TESC: variants seen among roughly 807,000 people sequenced by gnomAD.
TESC encodes the protein tescalcin.
A neutral mutation model predicts 31.0 loss-of-function variants in TESC; 19 were observed. The ratio of observed to expected loss-of-function variants is 0.61; its 90% CI spans 0.43 to 0.90. The LOEUF (loss-of-function observed/expected upper bound fraction) is 0.90. TESC is among the 40% of genes least tolerant of loss of function. The pLI, the probability that TESC is intolerant of heterozygous loss-of-function variation, is 0.00. For synonymous variants in TESC, 109 were observed against 114.8 expected (o/e 0.95, Z 0.32); for missense variants, 248 against 303.8 (o/e 0.82, Z 1.36).
intron 3 of TESC, among the ~76,000 whole-genome samples, chr12:117,055,203 G>A (rs984356247): frequency 3.9e-5 from 6 of 152,178 alleles, no homozygotes; most frequent in Non-Finnish European, 8.8e-5. Context: ...GTACAGTGGT[G>A]CAATCTCGAC....
At chr12:117,053,759 CAT>C (rs930541978) in intron 3 of TESC, among the ~76,000 whole-genome samples, 2 of 152,132 alleles carry the variant, frequency 1.3e-5, no homozygotes, top group Non-Finnish European at 2.9e-5. Flanking sequence ...CGCACACACA[CAT>C]ACACATACAC....
chr12:117,095,411 T>A (rs962638439), intron 1 of TESC, among the ~76,000 whole-genome samples: 4 of 152,170 alleles, frequency 2.6e-5, no homozygotes, highest in Admixed American at 2.0e-4. Flanking sequence ...AAGGCTCCCG[T>A]ACGTAAACAC....
intron 7 of TESC, among the ~76,000 whole-genome samples, chr12:117,040,233 T>C (rs1954462009): frequency 6.6e-6 from 1 of 152,210 alleles, no homozygotes; most frequent in Admixed American, 6.5e-5. Context: ...AAGACAGCTC[T>C]GGTCCCAGTC....
intron 4 of TESC, among the ~76,000 whole-genome samples, chr12:117,048,417 G>A (rs1232894161): frequency 6.6e-6 from 1 of 152,200 alleles, no homozygotes; most frequent in Non-Finnish European, 1.5e-5. Flanking sequence ...GGACACAGAG[G>A]GATGTCAGGA....
At chr12:117,079,366 A>G (rs1011158011) in intron 1 of TESC, among the ~76,000 whole-genome samples, 3 of 152,030 alleles carry the variant, frequency 2.0e-5, no homozygotes, top group Non-Finnish European at 4.4e-5. Flanking sequence ...GTTTGAAACC[A>G]GCCTGGCCAA....
intron 2 of TESC, among the ~76,000 whole-genome samples, chr12:117,070,488 A>G (rs1213693735): frequency 6.6e-6 from 1 of 152,166 alleles, no homozygotes; most frequent in Non-Finnish European, 1.5e-5. Flanking sequence ...TGAAGCTCTG[A>G]GACCAAGGCA....
intron 1 of TESC, among the ~76,000 whole-genome samples, chr12:117,085,747 G>T (rs1230758964): frequency 2.6e-5 from 4 of 152,180 alleles, no homozygotes; most frequent in African/African-American, 9.7e-5. Flanking sequence ...GGAGGCTGCT[G>T]TGAGTCTCTG....
rs139285635 is a variant in TESC, at chr12:117,084,486, C to A, written c.59-9146G>T. ...CGCTGGGTTAAAAAATATTGGCAAT[C>A]GACTGCAAAGGGTTCTGAATGCTGG... On this transcript the variant is annotated intron_variant, in intron 1 of 7. Transcript: ENST00000335209. Among the ~76,000 whole-genome samples the A allele has an allele frequency of 9.3e-3, 1,415 of 152,318 alleles. 17 individuals are homozygous for A. The highest frequency in any genetic ancestry group is 0.042 in the South Asian group (204 of 4,828).
At chr12:117,063,414 A>G (rs1474057763) in intron 2 of TESC, among the ~76,000 whole-genome samples, 2 of 152,132 alleles carry the variant, frequency 1.3e-5, no homozygotes, top group African/African-American at 2.4e-5. Flanking sequence ...GGCCAACAAG[A>G]AGGGAAGGAC....
chr12:117,039,123 T>G lies in TESC; in HGVS notation c.*10A>C. Reference sequence around the variant, plus strand: ...GCAAAGTGCAGTTTCTCCGCGGAGGTGGCGGTGGGTCAGTGGCAGAGGGCC... The same window carrying G: ...GCAAAGTGCAGTTTCTCCGCGGAGGGGGCGGTGGGTCAGTGGCAGAGGGCC... On this transcript the variant is annotated 3_prime_UTR_variant, in exon 8 of 8. Transcript: ENST00000335209. 1 of 1,613,556 alleles carries G rather than the reference T, an allele frequency of 6.2e-7. No homozygotes were observed. Among genetic ancestry groups the G allele is most frequent in the Non-Finnish European group, 8.5e-7 (1 of 1,179,776 alleles).
rs3070303 is a variant in TESC at position 117,058,745 on chromosome 12, TAA to T, written c.129-1861_129-1860del. 3.1e-4 allele frequency among the ~76,000 whole-genome samples: 38 copies of T among 124,130 alleles called. 2 individuals carry two copies. The highest frequency in any genetic ancestry group is 5.2e-4 in the South Asian group (2 of 3,844). 81.4% of individuals were successfully genotyped at this position (124,130 alleles called of 152,430 possible). On this transcript the variant is annotated intron_variant, in intron 2 of 7. Coordinates refer to ENST00000335209, the MANE Select transcript of TESC (RefSeq NM_017899.4). ...GTGATACAGTGAGACTCCAATCTCT[TAA>T]AAAAAAAAAAAAAAAGGCAAAAAAA...
chr12:117,078,068 T>TA, intron 1 of TESC, among the ~76,000 whole-genome samples: 1 of 152,324 alleles, frequency 6.6e-6, no homozygotes, highest in East Asian at 1.9e-4. Context: ...GAATGTATCC[T>TA]AAAAAATAAT....
At chr12:117,094,858 A>C (rs1417647679) in intron 1 of TESC, among the ~76,000 whole-genome samples, 2 of 151,788 alleles carry the variant, frequency 1.3e-5, no homozygotes, top group African/African-American at 2.4e-5. Flanking sequence ...TCTACTAAAA[A>C]TACAAAAATT....
chr12:117,041,722 A>G (rs546790627), intron 7 of TESC, among the ~76,000 whole-genome samples: 1 of 152,348 alleles, frequency 6.6e-6, no homozygotes, highest in Non-Finnish European at 1.5e-5. Context: ...TACTGCTTAC[A>G]TTGTTTTGAC....
At chr12:117,093,891 C>T (rs2135806771) in intron 1 of TESC, among the ~76,000 whole-genome samples, 1 of 152,144 alleles carries the variant, frequency 6.6e-6, no homozygotes, top group East Asian at 1.9e-4. Flanking sequence ...CCACCTTTCC[C>T]AGAATCCTCT....
At chr12:117,083,103 T>G (rs560000474) in intron 1 of TESC, among the ~76,000 whole-genome samples, 2 of 144,592 alleles carry the variant, frequency 1.4e-5, no homozygotes, top group South Asian at 2.2e-4. Context: ...TTTTTTTTTT[T>G]GAAACAGAGT....
intron 1 of TESC, among the ~76,000 whole-genome samples, chr12:117,093,856 G>A (rs893713089): frequency 2.0e-5 from 3 of 151,604 alleles, no homozygotes; most frequent in African/African-American, 7.3e-5. Context: ...AGCTGTTTTG[G>A]AGCCTGAAGG....
At chr12:117,047,723 C>T (rs968289429) in intron 4 of TESC, among the ~76,000 whole-genome samples, 1 of 151,620 alleles carries the variant, frequency 6.6e-6, no homozygotes, top group African/African-American at 2.4e-5. Context: ...CGTGCTCAGC[C>T]GGCATTTATT....
rs113625040 is a variant in TESC at position 117,059,570 on chromosome 12, G to GT, written c.129-2685dup. ...AAAAAGGAACAAGGTTTTTTGTTTTGTTTTTTTGAGACAGAGTTTCACTCT... is the reference window on the plus strand; with the variant it reads ...AAAAAGGAACAAGGTTTTTTGTTTTGTTTTTTTTGAGACAGAGTTTCACTCT... On this transcript the variant is annotated intron_variant, in intron 2 of 7. Transcript: ENST00000335209. 7.5e-3 allele frequency among the ~76,000 whole-genome samples: 1,142 copies of GT among 152,190 alleles called. 11 individuals carry two copies. Among genetic ancestry groups the GT allele is most frequent in the African/African-American group, 0.025 (1,057 of 41,538 alleles).
Sources: allele counts gnomAD v4.1 joint callset (sites outside exome capture counted in the v4.1 genomes callset), GRCh38; gene constraint gnomAD v4.1.1; transcripts MANE v1.5; gene names NCBI Gene and HGNC (gene_info 2026-07-23, HGNC 2026-07-21).